IKZF3: variants seen among roughly 807,000 people sequenced by gnomAD.
The protein encoded by IKZF3 is zinc finger protein Aiolos.
IKZF3 carries 10 observed loss-of-function variants against 49.0 expected under a neutral mutation model. The ratio of observed to expected loss-of-function variants is 0.20; its 90% CI spans 0.13 to 0.35. The LOEUF (loss-of-function observed/expected upper bound fraction) is 0.35. IKZF3 is among the 10% of genes least tolerant of loss of function. The probability of loss-of-function intolerance (pLI) is 1.00; values close to 1 mark genes in which losing one functional copy is unlikely to be tolerated. For missense variants in IKZF3, 498 were observed against 664.8 expected (o/e 0.75, Z 2.76); for synonymous variants, 209 against 228.2 (o/e 0.92, Z 0.76).
intron 3 of IKZF3, among the ~76,000 whole-genome samples, chr17:39,812,446 G>C: frequency 6.7e-6 from 1 of 150,344 alleles, no homozygotes; most frequent in South Asian, 2.1e-4. Context: ...GGGCTTATTT[G>C]TGGCATTTGC....
chr17:39,791,311 C>A (rs2061015230), intron 5 of IKZF3, 105 bp downstream of exon 5: 2 of 1,219,992 alleles, frequency 1.6e-6, no homozygotes, highest in Non-Finnish European at 2.3e-6. Context: ...CCCTTCAGAA[C>A]AAGAATGACA....
At chr17:39,774,415 A>G (rs1473515101) in intron 7 of IKZF3, among the ~76,000 whole-genome samples, 1 of 152,038 alleles carries the variant, frequency 6.6e-6, no homozygotes, top group Non-Finnish European at 1.5e-5. Context: ...CAAGAGGACA[A>G]GAGAGGAGAG....
chr17:39,835,118 G>A (rs574780573), intron 1 of IKZF3: 17 of 456,382 alleles, frequency 3.7e-5, no homozygotes, highest in African/African-American at 3.2e-4. Flanking sequence ...TGAGGCCAGG[G>A]CTTGTAAGGC....
intron 3 of IKZF3, among the ~76,000 whole-genome samples, chr17:39,802,451 C>A (rs1372582075): frequency 6.6e-6 from 1 of 150,426 alleles, no homozygotes; most frequent in East Asian, 2.0e-4. Context: ...TACAAAAAAT[C>A]AAAAAATTAG....
chr17:39,793,137 T>TA (rs1277779641), intron 3 of IKZF3, among the ~76,000 whole-genome samples: 1 of 152,200 alleles, frequency 6.6e-6, no homozygotes, highest in Admixed American at 6.5e-5. Flanking sequence ...CACACATACT[T>TA]ACACACATAA....
chr17:39,845,509 C>A (rs1295126236), intron 1 of IKZF3, among the ~76,000 whole-genome samples: 3 of 150,496 alleles, frequency 2.0e-5, no homozygotes, highest in Non-Finnish European at 4.4e-5. Flanking sequence ...GGGCAACAGG[C>A]CAAGGCTCTG....
At chr17:39,845,636 G>C (rs764575675) in intron 1 of IKZF3, among the ~76,000 whole-genome samples, 3 of 152,076 alleles carry the variant, frequency 2.0e-5, no homozygotes, top group Non-Finnish European at 4.4e-5. Flanking sequence ...AGTTGTGACA[G>C]AGACCATATG....
At chr17:39,801,539 G>A (rs987229552) in intron 3 of IKZF3, among the ~76,000 whole-genome samples, 1 of 152,148 alleles carries the variant, frequency 6.6e-6, no homozygotes, top group Non-Finnish European at 1.5e-5. Context: ...TGTTACTGTC[G>A]CCCAATCTAG....
chr17:39,847,911 C>A (rs577273263), intron 1 of IKZF3, among the ~76,000 whole-genome samples: 1 of 152,090 alleles, frequency 6.6e-6, no homozygotes, highest in Admixed American at 6.5e-5. Context: ...GTTTTAAATG[C>A]CTTCCTATAC....
intron 1 of IKZF3, chr17:39,835,309 G>A (rs74399245): frequency 0.013 from 6,852 of 542,922 alleles, 405 homozygotes; most frequent in African/African-American, 0.12. Flanking sequence ...AGCAGCTGAC[G>A]CGCCACGTCC....
intron 3 of IKZF3, among the ~76,000 whole-genome samples, chr17:39,808,168 T>A (rs911833817): frequency 3.3e-5 from 5 of 152,206 alleles, no homozygotes; most frequent in African/African-American, 9.7e-5. Context: ...AGAAGCATCA[T>A]GGTAAGTATA....
intron 1 of IKZF3, among the ~76,000 whole-genome samples, chr17:39,840,814 G>C (rs780548386): frequency 2.0e-5 from 3 of 152,204 alleles, no homozygotes; most frequent in Non-Finnish European, 2.9e-5. Flanking sequence ...GGGTAGCCCA[G>C]GGTGGGCTGC....
At chr17:39,834,766 T>G (rs1424187215) in intron 1 of IKZF3, among the ~76,000 whole-genome samples, 1 of 152,066 alleles carries the variant, frequency 6.6e-6, no homozygotes, top group Non-Finnish European at 1.5e-5. Flanking sequence ...GAAAAAAAAA[T>G]GATGTAATTG....
chr17:39,848,245 T>G (rs2062691133), intron 1 of IKZF3, among the ~76,000 whole-genome samples: 1 of 152,190 alleles, frequency 6.6e-6, no homozygotes. Context: ...GATTAAGTGT[T>G]TAATGAGGAA....
chr17:39,838,999 C>T (rs2062385425), intron 1 of IKZF3, among the ~76,000 whole-genome samples: 1 of 151,848 alleles, frequency 6.6e-6, no homozygotes, highest in African/African-American at 2.4e-5. Flanking sequence ...ACATCTGGCT[C>T]TTAAAGTTTT....
intron 3 of IKZF3, among the ~76,000 whole-genome samples, chr17:39,813,236 C>A (rs2061602863): frequency 6.6e-6 from 1 of 151,274 alleles, no homozygotes; most frequent in Non-Finnish European, 1.5e-5. Flanking sequence ...GTCTGTGGCT[C>A]TTTGGCAGAT....
intron 6 of IKZF3, among the ~76,000 whole-genome samples, chr17:39,779,877 A>C (rs1288865922): frequency 6.6e-6 from 1 of 152,068 alleles, no homozygotes; most frequent in Non-Finnish European, 1.5e-5. Context: ...AGGAAGAATA[A>C]ATTGAAATTA....
chr17:39,847,344 C>T (rs1162026583), intron 1 of IKZF3, among the ~76,000 whole-genome samples: 1 of 152,130 alleles, frequency 6.6e-6, no homozygotes, highest in Non-Finnish European at 1.5e-5. Flanking sequence ...GCTTACCTCT[C>T]CTTCCTCTGC....
chr17:39,779,478 T>A (rs1299566256), intron 6 of IKZF3, among the ~76,000 whole-genome samples: 1 of 151,936 alleles, frequency 6.6e-6, no homozygotes, highest in African/African-American at 2.4e-5. Flanking sequence ...ATAAATAAAT[T>A]AATTAAATAA....
Sources: gnomAD v4.1 joint callset for allele counts (sites outside exome capture counted in the v4.1 genomes callset) on GRCh38, gnomAD v4.1.1 for gene constraint, MANE v1.5 for transcripts, NCBI Gene and HGNC (gene_info 2026-07-23, HGNC 2026-07-21) for gene names.